KIAA1328: variants seen among roughly 807,000 people sequenced by gnomAD.
The protein encoded by KIAA1328 is protein hinderin.
In KIAA1328, 52 loss-of-function variants were observed where a neutral mutation model predicts 68.1. The observed-to-expected ratio is 0.76, with a 90% CI of 0.61 to 0.96. KIAA1328 has a LOEUF of 0.96. KIAA1328 is among the 40% of genes least tolerant of loss of function. The pLI is 0.00. For synonymous variants in KIAA1328, 232 were observed against 239.4 expected (o/e 0.97, Z 0.28); for missense variants, 641 against 677.6 (o/e 0.95, Z 0.60).
chr18:36,940,345 C>T (rs2050661885), intron 5 of KIAA1328, among the ~76,000 whole-genome samples: 2 of 152,186 alleles, frequency 1.3e-5, no homozygotes, highest in Admixed American at 1.3e-4. Flanking sequence ...CCAGATGATA[C>T]CAGTGCTGCT....
At chr18:37,027,263 G>A (rs1003066105) in intron 6 of KIAA1328, among the ~76,000 whole-genome samples, 7 of 152,118 alleles carry the variant, frequency 4.6e-5, no homozygotes, top group Non-Finnish European at 8.8e-5. Flanking sequence ...TGGATAGGAA[G>A]AATCAATATA....
At chr18:37,230,951 C>T (rs1476846710), downstream of KIAA1328, 1 of 152,262 alleles carries the variant, frequency 6.6e-6, no homozygotes, top group Admixed American at 6.5e-5. Context: ...CTTGCCCCTC[C>T]CTTCTCCCCT....
At chr18:37,086,393 G>T (rs1328982086) in intron 7 of KIAA1328, among the ~76,000 whole-genome samples, 1 of 152,058 alleles carries the variant, frequency 6.6e-6, no homozygotes, top group Non-Finnish European at 1.5e-5. Flanking sequence ...ATCCCTCCTG[G>T]AGACTTCCAT....
chr18:36,988,560 A>G (rs917211911), intron 6 of KIAA1328, among the ~76,000 whole-genome samples: 2 of 152,182 alleles, frequency 1.3e-5, no homozygotes. Flanking sequence ...GCATTATTCT[A>G]CTTTCTTAAG....
chr18:37,133,429 T>C (rs192880401), intron 7 of KIAA1328, among the ~76,000 whole-genome samples: 3 of 152,250 alleles, frequency 2.0e-5, no homozygotes, highest in Non-Finnish European at 1.5e-5. Flanking sequence ...GATGGAATTA[T>C]GTTGTATCTT....
At chr18:36,910,943 CT>C (rs1483013900) in intron 5 of KIAA1328, among the ~76,000 whole-genome samples, 2 of 151,994 alleles carry the variant, frequency 1.3e-5, no homozygotes, top group African/African-American at 4.8e-5. Context: ...AATCCACCTC[CT>C]AGCTGCCCAC....
At chr18:36,840,381 T>C (rs779396552) in intron 3 of KIAA1328, among the ~76,000 whole-genome samples, 20 of 152,146 alleles carry the variant, frequency 1.3e-4, no homozygotes, top group Non-Finnish European at 2.6e-4. Context: ...TATGTGTCTA[T>C]GTGTGCTTTT....
intron 6 of KIAA1328, among the ~76,000 whole-genome samples, chr18:37,050,247 G>A (rs376823043): frequency 6.6e-6 from 1 of 151,892 alleles, no homozygotes; most frequent in African/African-American, 2.4e-5. Context: ...AAAGGAAAAA[G>A]AAAAAAGGTC....
intron 6 of KIAA1328, among the ~76,000 whole-genome samples, chr18:37,041,281 A>G (rs924529098): frequency 1.3e-5 from 2 of 151,982 alleles, no homozygotes; most frequent in African/African-American, 4.8e-5. Context: ...TTAATTTACC[A>G]TTTTATCAGT....
intron 4 of KIAA1328, among the ~76,000 whole-genome samples, chr18:36,873,823 T>C (rs2048028817): frequency 6.6e-6 from 1 of 152,166 alleles, no homozygotes; most frequent in African/African-American, 2.4e-5. Context: ...TTTCTCCTTA[T>C]GCTATCCCTC....
At chr18:37,086,085 G>T (rs1244163214) in intron 7 of KIAA1328, among the ~76,000 whole-genome samples, 3 of 152,160 alleles carry the variant, frequency 2.0e-5, no homozygotes, top group African/African-American at 7.2e-5. Context: ...CCAGGGCCTG[G>T]GGGGTTGGGG....
chr18:37,180,457 G>A (rs534942691), intron 9 of KIAA1328, among the ~76,000 whole-genome samples: 1 of 152,118 alleles, frequency 6.6e-6, no homozygotes, highest in African/African-American at 2.4e-5. Flanking sequence ...ATAAAATTCT[G>A]GTTTTGGGTA....
At chr18:37,002,640 T>A (rs1208232940) in intron 6 of KIAA1328, among the ~76,000 whole-genome samples, 6 of 152,070 alleles carry the variant, frequency 3.9e-5, no homozygotes, top group Non-Finnish European at 7.4e-5. Flanking sequence ...TAGCCTAGGA[T>A]GTGAAAGTTC....
At chr18:36,950,463 C>T (rs538029170) in intron 5 of KIAA1328, among the ~76,000 whole-genome samples, 4 of 152,190 alleles carry the variant, frequency 2.6e-5, no homozygotes, top group African/African-American at 9.6e-5. Flanking sequence ...TAGTACACTA[C>T]GATTTCCAGG....
At chr18:37,099,233 C>T (rs1296433695) in intron 7 of KIAA1328, among the ~76,000 whole-genome samples, 1 of 152,226 alleles carries the variant, frequency 6.6e-6, no homozygotes. Flanking sequence ...TTTCCTTCTA[C>T]ACACTGCTTT....
chr18:37,155,533 C>T (rs908337364), intron 7 of KIAA1328, among the ~76,000 whole-genome samples: 5 of 152,140 alleles, frequency 3.3e-5, no homozygotes, highest in Admixed American at 6.5e-5. Context: ...TTCCTACTAC[C>T]GCTTCTCTAT....
rs182342857 is a variant in KIAA1328, at chr18:37,026,750, A to C, written c.577-40140A>C. 4.6e-3 allele frequency among the ~76,000 whole-genome samples: 708 copies of C among 152,320 alleles called. 3 individuals carry two copies. Among genetic ancestry groups the C allele is most frequent in the African/African-American group, 0.016 (670 of 41,572 alleles). On this transcript the variant is annotated intron_variant, in intron 6 of 9. Coordinates refer to ENST00000280020, the MANE Select transcript of KIAA1328 (RefSeq NM_020776.3). ...AAAATCATAAGAGCTTTTTATGACA[A>C]ACCCACAGCCAATATCATACTGAAT...
intron 5 of KIAA1328, among the ~76,000 whole-genome samples, chr18:36,942,524 G>A (rs1015084865): frequency 6.6e-6 from 1 of 152,178 alleles, no homozygotes; most frequent in African/African-American, 2.4e-5. Context: ...GCAGCTATAC[G>A]TATGGTAAAT....
rs1036103855 is a variant in KIAA1328 at position 37,058,078 on chromosome 18, G to A, written c.577-8812G>A. Reference sequence around the variant, plus strand: ...ACAACACGACAGAGAAGGGCTGTCTGCAAAGAGTCAGGGACTGTAGGGAAG... The same window carrying A: ...ACAACACGACAGAGAAGGGCTGTCTACAAAGAGTCAGGGACTGTAGGGAAG... On this transcript the variant is annotated intron_variant, in intron 6 of 9. Transcript: ENST00000280020. Among the ~76,000 whole-genome samples the A allele has an allele frequency of 5.3e-5, 8 of 152,160 alleles. No individual in the cohort carries two copies. The South Asian group carries it at 8.3e-4, about 16-fold the overall frequency.
Sources: allele counts gnomAD v4.1 joint callset (sites outside exome capture counted in the v4.1 genomes callset), GRCh38; gene constraint gnomAD v4.1.1; transcripts MANE v1.5; gene names NCBI Gene and HGNC (gene_info 2026-07-23, HGNC 2026-07-21).